SULF1: variants seen among roughly 807,000 people sequenced by gnomAD.
SULF1 encodes the protein sulfatase 1.
A neutral mutation model predicts 110.5 loss-of-function variants in SULF1; 46 were observed. That is an observed-to-expected ratio of 0.42 (90% CI 0.33 to 0.53). The LOEUF is 0.53. Ranked by LOEUF, SULF1 falls within the 20% of genes least tolerant of loss-of-function variation. The probability of loss-of-function intolerance (pLI) is 0.12; values close to 1 mark genes in which losing one functional copy is unlikely to be tolerated. For synonymous variants in SULF1, 371 were observed against 387.1 expected (o/e 0.96, Z 0.49); for missense variants, 941 against 1,094.2 (o/e 0.86, Z 1.98).
intron 14 of SULF1, among the ~76,000 whole-genome samples, chr8:69,622,288 A>G (rs1809676916): frequency 6.6e-6 from 1 of 152,168 alleles, no homozygotes; most frequent in Admixed American, 6.5e-5. Flanking sequence ...AATTTCTGAA[A>G]ATCAATAAGG....
intron 1 of SULF1, among the ~76,000 whole-genome samples, chr8:69,469,990 C>T (rs1222448389): frequency 2.0e-5 from 3 of 152,096 alleles, no homozygotes; most frequent in South Asian, 2.1e-4. Flanking sequence ...TGCAGTGAGC[C>T]GAGATCGTGT....
At chr8:69,591,701 G>A (rs188698835) in intron 8 of SULF1, among the ~76,000 whole-genome samples, 39 of 152,334 alleles carry the variant, frequency 2.6e-4, no homozygotes, top group Non-Finnish European at 4.7e-4. Context: ...GCGTGAGGAA[G>A]ACACAGTTGC....
chr8:69,478,196 G>C (rs142397657), intron 1 of SULF1, among the ~76,000 whole-genome samples: 1 of 152,134 alleles, frequency 6.6e-6, no homozygotes. Flanking sequence ...GGAGGAAAGA[G>C]GAAGGACTTC....
chr8:69,509,111 G>C (rs1334770713), intron 3 of SULF1, among the ~76,000 whole-genome samples: 1 of 152,174 alleles, frequency 6.6e-6, no homozygotes, highest in Non-Finnish European at 1.5e-5. Flanking sequence ...CACTTGTAGG[G>C]GGAGTAGACA....
At chr8:69,579,243 A>G (rs1805879189) in intron 6 of SULF1, among the ~76,000 whole-genome samples, 1 of 151,022 alleles carries the variant, frequency 6.6e-6, no homozygotes, top group Non-Finnish European at 1.5e-5. Context: ...AGATTTGCCT[A>G]TTAGTAAATC....
intron 14 of SULF1, among the ~76,000 whole-genome samples, chr8:69,622,342 G>T (rs1259566951): frequency 1.3e-5 from 2 of 152,166 alleles, no homozygotes; most frequent in East Asian, 3.8e-4. Context: ...ACTTTGGGAG[G>T]CTGAGGCAGG....
In SULF1 at chr8:69,576,183, A is replaced by G. The variant is rs768817124; in HGVS notation, c.386A>G (p.Tyr129Cys). The G allele has an allele frequency of 3.1e-6, 5 of 1,614,068 alleles. No individual in the cohort carries two copies. The East Asian group carries it at 1.1e-4, about 36-fold the overall frequency. The change falls in exon 6 of 23, where the codon TAT becomes TGT. Residue 129 changes from tyrosine (Y) to cysteine (C), a missense_variant. This residue lies in a region of SULF1 where 822 missense variants were observed against 934.3 expected (regional missense o/e 0.88). Coordinates refer to ENST00000402687, the MANE Select transcript of SULF1 (RefSeq NM_001128205.2). ...AMHEPRTFAVYLNNTGYRTAF... is the reference protein window; with the variant it reads ...AMHEPRTFAVCLNNTGYRTAF... ...CATGAGCCTCGGACTTTTGCTGTAT[A>G]TCTTAACAACACTGGCTACAGAACA...
intron 13 of SULF1, among the ~76,000 whole-genome samples, chr8:69,610,814 C>T (rs1036347195): frequency 1.1e-4 from 16 of 152,194 alleles, no homozygotes; most frequent in African/African-American, 3.6e-4. Context: ...CTAATCAGGT[C>T]CTCCTCTATG....
chr8:69,488,644 C>G (rs1809795066), upstream of SULF1, among the ~76,000 whole-genome samples: 1 of 152,070 alleles, frequency 6.6e-6, no homozygotes, highest in Admixed American at 6.6e-5. Flanking sequence ...TATTCAGCCT[C>G]CTCTTCACCC....
At position 69,650,823 on chromosome 8, in the gene SULF1, G is replaced by A. The variant is rs139243127; in HGVS notation, c.2586-7682G>A. 4.4e-3 allele frequency among the ~76,000 whole-genome samples: 669 copies of A among 152,068 alleles called. 5 individuals are homozygous for A. Among genetic ancestry groups the A allele is most frequent in the African/African-American group, 0.016 (643 of 41,472 alleles). On this transcript the variant is annotated intron_variant, in intron 22 of 22. Transcript: ENST00000402687. ...TTTTTTGACCACCTCGTTGCTTTCT[G>A]GCCTAAAAGCATGTTCCAGGTTCAT...
chr8:69,529,993 C>T (rs1000037517), intron 3 of SULF1, among the ~76,000 whole-genome samples: 2 of 152,180 alleles, frequency 1.3e-5, no homozygotes, highest in Non-Finnish European at 2.9e-5. Context: ...ACCACACTTA[C>T]TGTCAGTTTA....
intron 1 of SULF1, among the ~76,000 whole-genome samples, chr8:69,482,587 T>G (rs771153635): frequency 3.2e-4 from 49 of 151,836 alleles, no homozygotes; most frequent in Non-Finnish European, 4.9e-4. Context: ...TTTGTATATA[T>G]AGAGAGAGAG....
At chr8:69,641,844 A>G (rs1456628102) in intron 22 of SULF1, among the ~76,000 whole-genome samples, 2 of 152,150 alleles carry the variant, frequency 1.3e-5, no homozygotes, top group African/African-American at 4.8e-5. Context: ...CAGCCCTGTC[A>G]TTTTATGCCC....
At chr8:69,644,120 G>C (rs16919163) in intron 22 of SULF1, among the ~76,000 whole-genome samples, 7,852 of 152,294 alleles carry the variant, frequency 0.052, 508 homozygotes, top group African/African-American at 0.16. Context: ...CAGCCACGCT[G>C]TAACCACATT....
chr8:69,501,702 A>G (rs1158098686), intron 2 of SULF1, among the ~76,000 whole-genome samples, 172 bp from the exon 3 acceptor site: 1 of 152,210 alleles, frequency 6.6e-6, no homozygotes, highest in African/African-American at 2.4e-5. Flanking sequence ...ATCACCCACA[A>G]TGCTTCAAAG....
At chr8:69,596,298 ACT>A (rs1807325140) in intron 8 of SULF1, among the ~76,000 whole-genome samples, 1 of 152,130 alleles carries the variant, frequency 6.6e-6, no homozygotes. Flanking sequence ...GGCACACGTG[ACT>A]CTACCTCCAA....
intron 3 of SULF1, among the ~76,000 whole-genome samples, chr8:69,538,715 C>T (rs905520167): frequency 2.0e-5 from 3 of 151,346 alleles, no homozygotes; most frequent in South Asian, 2.1e-4. Context: ...TTTTTTGAGA[C>T]GGAGTCTCCC....
chr8:69,623,329 A>G (rs1464404432), intron 14 of SULF1, among the ~76,000 whole-genome samples: 4 of 152,236 alleles, frequency 2.6e-5, no homozygotes, highest in African/African-American at 9.6e-5. Context: ...TCAGAAGATT[A>G]TAGTCCTAGC....
chr8:69,552,218 C>T (rs894142705), intron 3 of SULF1, among the ~76,000 whole-genome samples: 2 of 152,160 alleles, frequency 1.3e-5, no homozygotes, highest in Non-Finnish European at 2.9e-5. Context: ...AGCCTAGGGC[C>T]TTTATTTAAG....
Sources: allele counts gnomAD v4.1 joint callset (sites outside exome capture counted in the v4.1 genomes callset), GRCh38; gene constraint gnomAD v4.1.1; regional missense constraint gnomAD v4.1.1; transcripts MANE v1.5; gene names NCBI Gene and HGNC (gene_info 2026-07-23, HGNC 2026-07-21).